Variants in HNMT observed in about 807,000 individuals in gnomAD.
HNMT encodes the protein histamine N-methyltransferase.
In HNMT, 30 loss-of-function variants were observed where a neutral mutation model predicts 32.1. The ratio of observed to expected loss-of-function variants is 0.93; its 90% confidence interval spans 0.70 to 1.27. The LOEUF (loss-of-function observed/expected upper bound fraction) is 1.27, where lower values mean the gene tolerates loss of function less well. Ranked by LOEUF, HNMT falls within the 50% of genes most tolerant of loss-of-function variation. The pLI is 0.00. For synonymous variants in HNMT, 125 were observed against 119.0 expected, an observed-to-expected ratio of 1.05 and a Z score of -0.33; for missense variants, 327 against 346.0, an observed-to-expected ratio of 0.95 and a Z score of 0.43.
chr2:138,002,157 A>G lies in HNMT; in HGVS notation c.392A>G (p.Lys131Arg). ...TACCAAAGTAGAATGTTGGAGAAAAAGGAGCTTCAAAAGTGGGACTTTATT... is the reference window on the plus strand; with the variant it reads ...TACCAAAGTAGAATGTTGGAGAAAAGGGAGCTTCAAAAGTGGGACTTTATT... The part of the protein sequence containing the change: ...SEYQSRMLEK[K>R]ELQKWDFIHM... The change falls in exon 4 of 6, where the codon AAG (lysine) becomes AGG (arginine). Residue 131 changes from lysine (K) to arginine (R), a missense_variant. Physicochemically the swap from Lys to Arg is conservative, Grantham distance 26 (BLOSUM62 2). Coordinates refer to ENST00000280097, the MANE Select transcript of HNMT (RefSeq NM_006895.3). 3 of 1,594,200 alleles carry G rather than the reference A, an allele frequency of 1.9e-6. No homozygotes were observed. The highest frequency in any genetic ancestry group is 2.6e-6 in the Non-Finnish European group (3 of 1,166,090).
At chr2:137,973,388 G>A (rs956437390) in intron 2 of HNMT, among the ~76,000 whole-genome samples, 1 of 152,142 alleles carries the variant, frequency 6.6e-6, no homozygotes, top group African/African-American at 2.4e-5. Flanking sequence ...TTGCCTTAGA[G>A]AAATGGTCTC....
intron 2 of HNMT, among the ~76,000 whole-genome samples, chr2:138,000,288 T>C (rs1558744273): frequency 6.6e-6 from 1 of 152,166 alleles, no homozygotes; most frequent in African/African-American, 2.4e-5. Context: ...ATCATCACTC[T>C]GGCATCATCT....
intron 1 of HNMT, among the ~76,000 whole-genome samples, chr2:137,964,980 A>C (rs1252303431): frequency 3.9e-5 from 6 of 152,342 alleles, no homozygotes; most frequent in South Asian, 2.1e-4. Flanking sequence ...ATCCCAAAAA[A>C]GTCCCAAAGG....
intron 2 of HNMT, among the ~76,000 whole-genome samples, chr2:137,979,735 G>C (rs1179397315): frequency 6.6e-6 from 1 of 151,960 alleles, no homozygotes; most frequent in African/African-American, 2.4e-5. Flanking sequence ...ATCTCACCTA[G>C]ATAGACTAAG....
Position 137,978,355 on chromosome 2 carries a change from T to C in HNMT, c.190+8138T>C, listed in dbSNP as rs1573648500. ...AATTATATAATATATGATTATATAA[T>C]ATAGTATTATACAATACATATGATT... On this transcript the variant is annotated intron_variant, in intron 2 of 5. Transcript: ENST00000280097. Among the ~76,000 whole-genome samples, 3 of 146,454 alleles carry C rather than the reference T, an allele frequency of 2.0e-5. No homozygotes were observed. The East Asian group carries it at 5.9e-4, about 29-fold the overall frequency.
Position 138,002,152 on chromosome 2 carries a change from GA to G in HNMT, c.392del (p.Lys131ArgfsTer11), listed in dbSNP as rs72549393. Reference protein sequence around the residue: ...SSEYQSRMLEKKELQKWDFIH... With the variant: ...SSEYQSRMLEXKELQKWDFIH... ...CTGAATACCAAAGTAGAATGTTGGA[GA>G]AAAAGGAGCTTCAAAAGTGGGACTT... is the stretch of plus-strand genomic sequence containing the variant. On this transcript the variant is annotated frameshift_variant, in exon 4 of 6. Coordinates refer to ENST00000280097, the MANE Select transcript of HNMT (RefSeq NM_006895.3). LOFTEE classifies it high-confidence loss of function. The G allele has an allele frequency of 1.9e-6, 3 of 1,595,922 alleles. No homozygotes were observed. Among genetic ancestry groups the G allele is most frequent in the Non-Finnish European group, 8.6e-7 (1 of 1,167,926 alleles).
intron 2 of HNMT, among the ~76,000 whole-genome samples, chr2:138,000,266 C>T (rs1443949561): frequency 6.6e-6 from 1 of 152,082 alleles, no homozygotes; most frequent in Non-Finnish European, 1.5e-5. Context: ...GAGTGATCTT[C>T]CCCCATGAAG....
intron 1 of HNMT, among the ~76,000 whole-genome samples, chr2:137,967,849 A>G (rs1440532582): frequency 6.6e-6 from 1 of 152,080 alleles, no homozygotes; most frequent in Non-Finnish European, 1.5e-5. Context: ...ATACCTTCTT[A>G]TTCATTACAA....
At chr2:137,998,158 A>G (rs80354017) in intron 2 of HNMT, among the ~76,000 whole-genome samples, 5 of 152,150 alleles carry the variant, frequency 3.3e-5, no homozygotes, top group African/African-American at 4.8e-5. Flanking sequence ...AAAAAAAAGC[A>G]CAGAATGTAA....
At chr2:138,005,035 C>T in intron 4 of HNMT, 97 bp from the exon 5 acceptor site, 2 of 636,086 alleles carry the variant, frequency 3.1e-6, no homozygotes. Flanking sequence ...TAAAAATTCA[C>T]TCAACTAGAA....
At chr2:138,002,853 G>C in intron 4 of HNMT, 3 of 812,644 alleles carry the variant, frequency 3.7e-6, no homozygotes, top group Non-Finnish European at 4.5e-6. Flanking sequence ...CAATGTCCCA[G>C]AGTGTTTCTG....
chr2:137,977,717 G>T (rs1680327943), intron 2 of HNMT, among the ~76,000 whole-genome samples: 1 of 151,652 alleles, frequency 6.6e-6, no homozygotes, highest in South Asian at 2.1e-4. Flanking sequence ...ATGTGCAAAA[G>T]GTAAAGGTAT....
At chr2:137,984,424 A>G (rs776355993) in intron 2 of HNMT, among the ~76,000 whole-genome samples, 1 of 152,186 alleles carries the variant, frequency 6.6e-6, no homozygotes, top group African/African-American at 2.4e-5. Context: ...GCATCAGGTG[A>G]TATTGTATTG....
At chr2:137,982,810 T>C (rs1558956754) in intron 2 of HNMT, among the ~76,000 whole-genome samples, 1 of 152,242 alleles carries the variant, frequency 6.6e-6, no homozygotes, top group Admixed American at 6.5e-5. Context: ...AAGTGCTATT[T>C]TGGAAGCTGA....
At chr2:137,988,181 T>G (rs1188079067) in intron 2 of HNMT, among the ~76,000 whole-genome samples, 1 of 152,182 alleles carries the variant, frequency 6.6e-6, no homozygotes, top group Admixed American at 6.5e-5. Context: ...TTGACCTTCA[T>G]CCATTTTATA....
Position 137,992,017 on chromosome 2 carries a change from A to ACCCCC in HNMT, c.191-8901_191-8900insCCCCC, listed in dbSNP as rs1558960486. The stretch of plus-strand genomic sequence containing the variant: ...ACATGAGAGCCACATGGAGTGGGGG[A>ACCCCC]GCCCCCTCCCCCCCAGCCAAGGGAG... On this transcript the variant is annotated intron_variant, in intron 2 of 5. Transcript: ENST00000280097. The ACCCCC allele has an allele frequency of 2.6e-3, 337 of 127,398 alleles. 2 individuals carry two copies. The highest frequency in any genetic ancestry group is 9.4e-3 in the African/African-American group (326 of 34,832). The allele number at this position is 127,398 out of a possible 1,614,324, so 7.9% of individuals were successfully genotyped here. A position where few individuals can be genotyped will look rare whatever the true frequency, so the allele number is the denominator to read the frequency against.
At chr2:138,002,315 C>G (rs1681199066) in intron 4 of HNMT, 121 bp downstream of exon 4, 6 of 1,116,742 alleles carry the variant, frequency 5.4e-6, no homozygotes, top group Non-Finnish European at 6.9e-6. Context: ...TCTAATTTTA[C>G]AAGTGACCAT....
intron 2 of HNMT, chr2:137,981,081 G>A: frequency 9.1e-7 from 1 of 1,098,084 alleles, no homozygotes; most frequent in Non-Finnish European, 1.2e-6. Flanking sequence ...TAATCTTAAT[G>A]CAACATGTAA....
At chr2:137,990,455 T>C (rs1421585387) in intron 2 of HNMT, among the ~76,000 whole-genome samples, 1 of 152,174 alleles carries the variant, frequency 6.6e-6, no homozygotes, top group Non-Finnish European at 1.5e-5. Context: ...TGTCTATTCT[T>C]TTGCCATTAC....
Sources: allele counts gnomAD v4.1 joint callset (sites outside exome capture counted in the v4.1 genomes callset), GRCh38; gene constraint gnomAD v4.1.1; transcripts MANE v1.5; gene names NCBI Gene and HGNC (gene_info 2026-07-23, HGNC 2026-07-21).